Variants in RAPGEFL1 observed in about 807,000 individuals in gnomAD.
RAPGEFL1 encodes the protein rap guanine nucleotide exchange factor-like 1.
Under a neutral mutation model 64.4 loss-of-function variants are expected in RAPGEFL1, and 31 were observed. The observed-to-expected ratio is 0.48, with a 90% confidence interval of 0.36 to 0.65. The LOEUF is 0.65. Among genes scored for constraint, RAPGEFL1 ranks in the 30% least tolerant of loss-of-function variants. The probability of loss-of-function intolerance (pLI) is 0.00; values close to 1 mark genes in which losing one functional copy is unlikely to be tolerated. For synonymous variants in RAPGEFL1, 331 were observed against 274.1 expected (o/e 1.21, Z -2.05); for missense variants, 682 against 677.4 (o/e 1.01, Z -0.08).
At position 40,184,291 on chromosome 17, in the gene RAPGEFL1, T is replaced by C. The variant is rs767432602; in HGVS notation, c.677T>C (p.Phe226Ser). Residue 226 changes from phenylalanine (F) to serine (S), a missense_variant, in exon 3 of 15, where the codon TTC becomes TCC. By Grantham distance (155) the Phe-to-Ser change is radical. Around this residue, in one of 2 missense-constraint regions of RAPGEFL1, gnomAD observed 271 missense variants for 158.0 expected, o/e 1.72. Transcript: ENST00000620260. ...GCCTGTCTAGCCATGCTTCTCCATT[T>C]CTTGGACACCTACCAGGGGCTGCTT... ...KQACLAMLLH[F>S]LDTYQGLLQE... 1 of 1,613,870 alleles carries C rather than the reference T, an allele frequency of 6.2e-7. No individual in the cohort carries two copies. Among genetic ancestry groups the C allele is most frequent in the Non-Finnish European group, 8.5e-7 (1 of 1,179,928 alleles).
At position 40,191,681 on chromosome 17, in the gene RAPGEFL1, A is replaced by T; in HGVS notation, c.1605+9A>T. 6 of 1,605,072 alleles carry T rather than the reference A, an allele frequency of 3.7e-6. No homozygotes were observed. The highest frequency in any genetic ancestry group is 5.1e-6 in the Non-Finnish European group (6 of 1,176,136). On this transcript the variant is annotated intron_variant, in intron 10 of 14. Transcript: ENST00000620260. This position sits in a 1 kb window ranked among gnomAD's most constrained non-coding sequence, Gnocchi z 5.1. ...TTCGACTCACCTGGGAGGTGATGAG[A>T]CCCCTCCCGTTCCTACCTGGGAATC...
intron 4 of RAPGEFL1, among the ~76,000 whole-genome samples, chr17:40,186,962 T>A (rs1428509711): frequency 1.3e-5 from 2 of 151,804 alleles, no homozygotes; most frequent in African/African-American, 4.8e-5. Context: ...TATTTGATTA[T>A]AAATTTTATG....
chr17:40,193,029 G>T (rs369136800), intron 13 of RAPGEFL1, 39 bp downstream of exon 13: 60 of 1,559,038 alleles, frequency 3.8e-5, no homozygotes, highest in Non-Finnish European at 4.9e-5. Context: ...TCCCACAAGT[G>T]GGGGGCTTGC....
At position 40,191,510 on chromosome 17, in the gene RAPGEFL1, G is replaced by C. The variant is rs1567696790; in HGVS notation, c.1514+16G>C. 6.3e-7 allele frequency: 1 copy of C among 1,589,032 alleles called. No homozygotes were observed. Among genetic ancestry groups the C allele is most frequent in the South Asian group, 1.1e-5 (1 of 88,088 alleles). ...TCGCGGCCCTGTGAGTGCGGCCGTC[G>C]GCGGGATGGGGGGCCGGAGGCCGGA... is the stretch of plus-strand genomic sequence containing the variant. On this transcript the variant is annotated intron_variant, in intron 9 of 14. Transcript: ENST00000620260. This position sits in a 1 kb window ranked among gnomAD's most constrained non-coding sequence, Gnocchi z 5.1.
rs1166926970 is a variant in RAPGEFL1 at position 40,191,390 on chromosome 17, G to A, written c.1410G>A (p.Gln470=). The part of the protein sequence containing the change: ...RETANLELLL[Q]RCSEVTHWVA... ...CGGCCAACTTGGAGCTGCTGCTGCA[G>A]CGCTGCAGCGAGGTCACGCACTGGG... Residue 470 remains glutamine, a synonymous_variant, in exon 9 of 15, where the codon CAG becomes CAA. Transcript: ENST00000620260. The surrounding 1 kb of genome is among the most constrained non-coding windows in gnomAD (Gnocchi z 5.1). 1 of 1,600,936 alleles carries A rather than the reference G, an allele frequency of 6.2e-7. No homozygotes were observed. Among genetic ancestry groups the A allele is most frequent in the South Asian group, 1.1e-5 (1 of 89,946 alleles).
chr17:40,188,876 G>A lies in RAPGEFL1; in HGVS notation c.844G>A (p.Glu282Lys), dbSNP rs747932126. 1.2e-6 allele frequency: 2 copies of A among 1,614,064 alleles called. No individual in the cohort carries two copies. Among genetic ancestry groups the A allele is most frequent in the South Asian group, 1.1e-5 (1 of 91,084 alleles). Residue 282 changes from glutamate to lysine, a missense_variant, in exon 5 of 15, where the codon GAG (glutamate) becomes AAG (lysine). Glu to Lys is a moderately conservative substitution (Grantham distance 56). Transcript: ENST00000620260. ...CTGTGTCCATGCCAGGATTCCAGAG[G>A]AGAACCAGCCACCCAGCAAGCAGGT... ...VETVELKIPE[E>K]NQPPSKQVKP...
At position 40,188,913 on chromosome 17, in the gene RAPGEFL1, TC is replaced by T. The variant is rs750854216; in HGVS notation, c.883del (p.Arg295AlafsTer6). ...CCCAGCAAGCAGGTGAAGCCACTCTTCCGCCACTTCCGCCGGATAGACTCCT... is the reference window on the plus strand; with the variant it reads ...CCCAGCAAGCAGGTGAAGCCACTCTTCGCCACTTCCGCCGGATAGACTCCT... ...QPPSKQVKPL[F>X]RHFRRIDSCL... On this transcript the variant is annotated frameshift_variant, in exon 5 of 15. Transcript: ENST00000620260. LOFTEE classifies it high-confidence loss of function. The T allele has an allele frequency of 1.2e-6, 2 of 1,614,188 alleles. No homozygotes were observed. The highest frequency in any genetic ancestry group is 1.7e-6 in the Non-Finnish European group (2 of 1,180,036).
At chr17:40,186,071 C>T (rs1193542637) in intron 4 of RAPGEFL1, among the ~76,000 whole-genome samples, 4 of 148,762 alleles carry the variant, frequency 2.7e-5, no homozygotes, top group African/African-American at 5.0e-5. Flanking sequence ...ATCAGGAGTT[C>T]GAGACCAGCC....
chr17:40,183,975 C>T (rs1363853277), intron 2 of RAPGEFL1, among the ~76,000 whole-genome samples: 3 of 150,952 alleles, frequency 2.0e-5, no homozygotes, highest in African/African-American at 7.3e-5. Context: ...TCCAGAGTAG[C>T]TGGGATTACA....
intron 1 of RAPGEFL1, chr17:40,181,097 A>G: frequency 8.8e-6 from 3 of 340,108 alleles, no homozygotes; most frequent in Non-Finnish European, 1.8e-5. Context: ...TCTGGGATCA[A>G]AGTGATGGCA....
rs1990393177 is a variant in RAPGEFL1, at chr17:40,194,349, G to A, written c.*561G>A. 6.3e-6 allele frequency: 1 copy of A among 158,736 alleles called. No individual in the cohort carries two copies. The highest frequency in any genetic ancestry group is 2.4e-5 in the African/African-American group (1 of 41,204). The allele number at this position is 158,736 out of a possible 1,614,324, so 9.8% of individuals were successfully genotyped here. The stretch of plus-strand genomic sequence containing the variant: ...TGAGGGTGGATGTTGTGTGTGCTGG[G>A]GAGGGGTCCTTCTGTTTGGTGCTAC... On this transcript the variant is annotated 3_prime_UTR_variant, in exon 15 of 15. Transcript: ENST00000620260.
intron 6 of RAPGEFL1, 145 bp downstream of exon 6, chr17:40,189,520 A>G: frequency 1.1e-6 from 1 of 915,540 alleles, no homozygotes; most frequent in Non-Finnish European, 1.6e-6. Context: ...TCGCCTGGGA[A>G]CTTGTTAGGA....
intron 6 of RAPGEFL1, 64 bp downstream of exon 6, chr17:40,189,439 G>T (rs112076812): frequency 1.9e-6 from 3 of 1,567,828 alleles, no homozygotes; most frequent in Non-Finnish European, 1.7e-6. Flanking sequence ...CAGGGCTCTG[G>T]GGGAGGGGTA....
intron 1 of RAPGEFL1, among the ~76,000 whole-genome samples, chr17:40,180,852 G>A (rs1989872558): frequency 6.6e-6 from 1 of 152,246 alleles, no homozygotes; most frequent in African/African-American, 2.4e-5. Context: ...TCCTGGTGAG[G>A]ACACCTGGCT....
intron 2 of RAPGEFL1, among the ~76,000 whole-genome samples, chr17:40,182,108 C>T (rs1261202991): frequency 6.6e-6 from 1 of 151,882 alleles, no homozygotes; most frequent in Non-Finnish European, 1.5e-5. Flanking sequence ...GAAAACATAC[C>T]TGGGTTTCAG....
At chr17:40,182,229 CTATT>C (rs964826105) in intron 2 of RAPGEFL1, among the ~76,000 whole-genome samples, 26 of 152,198 alleles carry the variant, frequency 1.7e-4, no homozygotes, top group African/African-American at 6.0e-4. Context: ...CCCTGCCTAT[CTATT>C]AGCTGCTATG....
intron 6 of RAPGEFL1, 104 bp from the exon 7 acceptor site, chr17:40,190,330 G>A (rs1023814961): frequency 5.2e-5 from 44 of 847,636 alleles, no homozygotes; most frequent in Non-Finnish European, 7.3e-5. Context: ...AGTCTAGAAT[G>A]TGTCAGTGTG....
Position 40,177,841 on chromosome 17 carries a change from A to C in RAPGEFL1, c.-21A>C. The C allele has an allele frequency of 4.8e-6, 2 of 417,466 alleles. No homozygotes were observed. Among genetic ancestry groups the C allele is most frequent in the Non-Finnish European group, 8.4e-6 (2 of 237,688 alleles). The allele number at this position is 417,466 out of a possible 1,614,324, so 25.9% of individuals were successfully genotyped here. A position where few individuals can be genotyped will look rare whatever the true frequency, so the allele number is the denominator to read the frequency against. On this transcript the variant is annotated 5_prime_UTR_variant, in exon 1 of 15. Transcript: ENST00000620260. ...ATACCTGGGTCCCCCGGCGACCCCTAGGAGAGGGGCGGGGGGGGGCATGAA... is the reference window on the plus strand; with the variant it reads ...ATACCTGGGTCCCCCGGCGACCCCTCGGAGAGGGGCGGGGGGGGGCATGAA...
intron 4 of RAPGEFL1, among the ~76,000 whole-genome samples, chr17:40,187,244 A>C (rs1038541096): frequency 6.6e-6 from 1 of 152,184 alleles, no homozygotes; most frequent in African/African-American, 2.4e-5. Context: ...AGTGTGAACC[A>C]GCTTCAGGAC....
Sources: gnomAD v4.1 joint callset for allele counts (sites outside exome capture counted in the v4.1 genomes callset) on GRCh38, gnomAD v4.1.1 for gene constraint, gnomAD v4.1.1 regional missense constraint, Gnocchi (gnomAD v3.1) non-coding constraint, MANE v1.5 for transcripts, NCBI Gene and HGNC (gene_info 2026-07-23, HGNC 2026-07-21) for gene names.